ZNF540: variants seen among roughly 807,000 people sequenced by gnomAD.
ZNF540 encodes the protein zinc finger protein 540, also known as CTD-3064H18.6.
In ZNF540, 3 loss-of-function variants were observed where a neutral mutation model predicts 11.8. The observed-to-expected ratio is 0.25, with a 90% CI of 0.12 to 0.65. ZNF540 has a LOEUF of 0.65. ZNF540 is among the 30% of genes least tolerant of loss of function. ZNF540 has a pLI of 0.83. For synonymous variants in ZNF540, 247 were observed against 259.0 expected (o/e 0.95, Z 0.45); for missense variants, 709 against 793.1 (o/e 0.89, Z 1.27).
At chr19:37,556,212 C>T (rs1235267757) in intron 1 of ZNF540, 1 of 664,274 alleles carries the variant, frequency 1.5e-6, no homozygotes, top group African/African-American at 1.8e-5. Context: ...CTTGGAGGTA[C>T]TGGCCCTCCA....
upstream of ZNF540, among the ~76,000 whole-genome samples, chr19:37,593,047 G>T (rs887370928): frequency 3.3e-5 from 5 of 151,704 alleles, no homozygotes; most frequent in Non-Finnish European, 7.4e-5. Context: ...GAATATGGGG[G>T]TATACAAGAT....
chr19:37,566,091 T>C (rs1015879872), intron 1 of ZNF540: 1 of 1,614,050 alleles, frequency 6.2e-7, no homozygotes, highest in Non-Finnish European at 8.5e-7. Flanking sequence ...TCTTCACAGG[T>C]AATTTTGACA....
At chr19:37,564,144 A>G (rs2042767851) in intron 1 of ZNF540, 1 of 152,158 alleles carries the variant, frequency 6.6e-6, no homozygotes, top group South Asian at 2.1e-4. Context: ...CTACATGATA[A>G]GAGAATGGTT....
At chr19:37,574,232 G>T (rs138293830) in intron 1 of ZNF540, among the ~76,000 whole-genome samples, 1 of 152,062 alleles carries the variant, frequency 6.6e-6, no homozygotes, top group South Asian at 2.1e-4. Context: ...TATTAAAACC[G>T]CAACGTATGC....
chr19:37,577,988 C>T (rs930989640), intron 1 of ZNF540, among the ~76,000 whole-genome samples: 13 of 152,134 alleles, frequency 8.5e-5, no homozygotes, highest in Admixed American at 3.9e-4. Flanking sequence ...GCTCCGCCTC[C>T]GGTCAGATCA....
At position 37,599,757 on chromosome 19, in the gene ZNF540, G is replaced by A; in HGVS notation, c.136+5G>A. 1 of 1,594,524 alleles carries A rather than the reference G, an allele frequency of 6.3e-7. No homozygotes were observed. The highest frequency in any genetic ancestry group is 8.6e-7 in the Non-Finnish European group (1 of 1,169,566). ...ATAATAACTTGGTCTCACTGGGTAA[G>A]GTCACCTATGTCAAATAATGTAGAC... is the stretch of plus-strand genomic sequence containing the variant. On this transcript the variant is annotated splice_donor_5th_base_variant and intron_variant, in intron 3 of 4. Transcript: ENST00000316433.
Position 37,611,661 on chromosome 19 carries a change from G to C in ZNF540, c.381G>C (p.Glu127Asp). The C allele has an allele frequency of 6.2e-7, 1 of 1,613,954 alleles. No individual in the cohort carries two copies. Among genetic ancestry groups the C allele is most frequent in the Non-Finnish European group, 8.5e-7 (1 of 1,179,948 alleles). ...GAAATGAGTGGCAGAACAAAAGTGAGTTTGAGGGTCAACAGGGACTTAAAG... is the reference window on the plus strand; with the variant it reads ...GAAATGAGTGGCAGAACAAAAGTGACTTTGAGGGTCAACAGGGACTTAAAG... ...IFRNEWQNKSEFEGQQGLKER... is the reference protein window; with the variant it reads ...IFRNEWQNKSDFEGQQGLKER... The change falls in exon 5 of 5, where the codon GAG (glutamate) becomes GAC (aspartate). Residue 127 changes from glutamate to aspartate, a missense_variant. Transcript: ENST00000316433.
intron 1 of ZNF540, chr19:37,563,082 A>G (rs2042736196): frequency 6.6e-6 from 1 of 152,160 alleles, no homozygotes. Context: ...TAATCCCAGC[A>G]CTTCTGGAGG....
At chr19:37,596,153 T>C (rs1165680669) in intron 1 of ZNF540, among the ~76,000 whole-genome samples, 2 of 152,212 alleles carry the variant, frequency 1.3e-5, no homozygotes, top group Non-Finnish European at 2.9e-5. Context: ...AGATAGATCA[T>C]TTCCATCACC....
At position 37,613,323 on chromosome 19, in the gene ZNF540, G is replaced by T; in HGVS notation, c.*60G>T. The T allele has an allele frequency of 1.6e-6, 2 of 1,238,594 alleles. No homozygotes were observed. The highest frequency in any genetic ancestry group is 2.1e-6 in the Non-Finnish European group (2 of 934,110). 76.7% of individuals were successfully genotyped at this position (1,238,594 alleles called of 1,614,324 possible). On this transcript the variant is annotated 3_prime_UTR_variant, in exon 5 of 5. Transcript: ENST00000316433. ...TAGAATATCAAAATATTTATGGCCA[G>T]AAGTTCTGTCAATGTGTTGATGTTT... is the stretch of plus-strand genomic sequence containing the variant.
chr19:37,575,573 G>A (rs916899092), intron 1 of ZNF540: 1 of 152,098 alleles, frequency 6.6e-6, no homozygotes, highest in African/African-American at 2.4e-5. Context: ...CCCACTTCTC[G>A]TTCTGGGCCC....
Position 37,612,294 on chromosome 19 carries a change from A to G in ZNF540, c.1014A>G (p.Val338=), listed in dbSNP as rs765852077. 1 of 1,613,756 alleles carries G rather than the reference A, an allele frequency of 6.2e-7. No individual in the cohort carries two copies. The highest frequency in any genetic ancestry group is 2.2e-5 in the East Asian group (1 of 44,832). ...ECKECGKAFS[V]CGQLTRHQKI... ...AGGAGTGTGGGAAAGCTTTTAGTGT[A>G]TGCGGACAACTTACCCGTCATCAGA... Residue 338 remains valine, a synonymous_variant, in exon 5 of 5, where the codon GTA becomes GTG. Coordinates refer to ENST00000316433, the MANE Select transcript of ZNF540 (RefSeq NM_001172225.3).
In ZNF540 at chr19:37,612,793, A is replaced by G. The variant is rs762778597; in HGVS notation, c.1513A>G (p.Arg505Gly). The G allele has an allele frequency of 6.2e-7, 1 of 1,614,080 alleles. No homozygotes were observed. The highest frequency in any genetic ancestry group is 2.2e-5 in the East Asian group (1 of 44,872). The change falls in exon 5 of 5, where the codon AGA becomes GGA. Residue 505 changes from arginine to glycine, a missense_variant. Physicochemically the swap from Arg to Gly is moderately radical, Grantham distance 125. Transcript: ENST00000316433. ...ATGTGTACGATGTGGGAAGACCTTT[A>G]GATTTGGTTTCTACCTTACTGAACA... The part of the protein sequence containing the change: ...YKCVRCGKTF[R>G]FGFYLTEHQR...
intron 1 of ZNF540, chr19:37,565,310 A>T (rs780427863): frequency 5.6e-6 from 9 of 1,611,156 alleles, no homozygotes; most frequent in Non-Finnish European, 7.6e-6. Context: ...TGAGCCACGA[A>T]AAAAGGTCTT....
intron 4 of ZNF540, among the ~76,000 whole-genome samples, chr19:37,607,952 C>T (rs117839578): frequency 0.017 from 2,637 of 152,308 alleles, 36 homozygotes; most frequent in Non-Finnish European, 0.028. Flanking sequence ...CCTGTTGCTC[C>T]ACATCCTTGT....
chr19:37,553,163 C>T (rs7258992), intron 1 of ZNF540, among the ~76,000 whole-genome samples: 7,039 of 86,684 alleles, frequency 0.081, 360 homozygotes, highest in Admixed American at 0.14. Flanking sequence ...GAGACAGTCT[C>T]GCCTTTGTCA....
At chr19:37,583,945 C>A in intron 1 of ZNF540, 1 of 1,567,836 alleles carries the variant, frequency 6.4e-7, no homozygotes, top group Non-Finnish European at 8.7e-7. Flanking sequence ...GGAACAAATT[C>A]TGAATATTAC....
At chr19:37,601,325 T>C (rs1007570513) in intron 4 of ZNF540, among the ~76,000 whole-genome samples, 1 of 152,248 alleles carries the variant, frequency 6.6e-6, no homozygotes, top group African/African-American at 2.4e-5. Context: ...TCTTTGTTTT[T>C]GTTTCCCCTC....
chr19:37,600,983 A>C, intron 3 of ZNF540, 27 bp from the exon 4 acceptor site: 1 of 1,524,716 alleles, frequency 6.6e-7, no homozygotes, highest in Non-Finnish European at 8.9e-7. Context: ...ATTTCTATAT[A>C]TTCTTTTATT....
Sources: allele counts gnomAD v4.1 joint callset (sites outside exome capture counted in the v4.1 genomes callset), GRCh38; gene constraint gnomAD v4.1.1; transcripts MANE v1.5; gene names NCBI Gene and HGNC (gene_info 2026-07-23, HGNC 2026-07-21).